Variants in SNX29 observed in about 807,000 individuals in gnomAD.
The protein encoded by SNX29 is sorting nexin-29.
SNX29 carries 78 observed loss-of-function variants against 102.1 expected under a neutral mutation model. The observed-to-expected ratio is 0.76, with a 90% CI of 0.64 to 0.92. The LOEUF (loss-of-function observed/expected upper bound fraction) is 0.92. SNX29 is among the 40% of genes least tolerant of loss of function. The pLI, the probability that SNX29 is intolerant of heterozygous loss-of-function variation, is 0.00. For missense variants in SNX29, 1,280 were observed against 1,061.7 expected, an observed-to-expected ratio of 1.21 and a Z score of -2.86; for synonymous variants, 580 against 414.5, an observed-to-expected ratio of 1.40 and a Z score of -4.85.
At chr16:12,468,720 C>T (rs1049606094) in intron 18 of SNX29, among the ~76,000 whole-genome samples, 5 of 152,226 alleles carry the variant, frequency 3.3e-5, no homozygotes, top group African/African-American at 9.7e-5. Context: ...TGGTATACAA[C>T]AGGCCACCTG....
chr16:12,542,028 TC>T (rs1319182948), intron 20 of SNX29, among the ~76,000 whole-genome samples: 1 of 152,132 alleles, frequency 6.6e-6, no homozygotes, highest in Non-Finnish European at 1.5e-5. Flanking sequence ...CTCTGTTTTT[TC>T]TTTTTTTAAT....
intron 13 of SNX29, among the ~76,000 whole-genome samples, chr16:12,193,150 T>G (rs1262433093): frequency 6.6e-6 from 1 of 152,210 alleles, no homozygotes; most frequent in Middle Eastern, 3.2e-3. Flanking sequence ...ATCATAATGT[T>G]TTTGGAGTTT....
chr16:12,555,886 C>A (rs1034831889), intron 20 of SNX29, among the ~76,000 whole-genome samples: 1 of 151,910 alleles, frequency 6.6e-6, no homozygotes, highest in East Asian at 1.9e-4. Context: ...TGCTTTCTGC[C>A]CTCCTGTTCT....
intron 20 of SNX29, 69 bp downstream of exon 20, chr16:12,524,910 G>A (rs2076737363): frequency 6.3e-7 from 1 of 1,584,680 alleles, no homozygotes; most frequent in South Asian, 1.1e-5. Context: ...GTTTTGGAAG[G>A]TCAGGGAGCA....
At chr16:12,197,343 G>C (rs983710431) in intron 13 of SNX29, among the ~76,000 whole-genome samples, 1 of 152,126 alleles carries the variant, frequency 6.6e-6, no homozygotes, top group East Asian at 1.9e-4. Flanking sequence ...GCTGAGGTGG[G>C]CGGATCACTT....
chr16:12,373,603 C>T (rs2082767614), intron 16 of SNX29: 1 of 152,194 alleles, frequency 6.6e-6, no homozygotes, highest in African/African-American at 2.4e-5. Flanking sequence ...AATACTAATG[C>T]TACTTGGCAT....
intron 11 of SNX29, among the ~76,000 whole-genome samples, chr16:12,119,180 T>G (rs2053869437): frequency 6.6e-6 from 1 of 152,146 alleles, no homozygotes; most frequent in Non-Finnish European, 1.5e-5. Context: ...TGTCCCCGCA[T>G]AGACAGTGGA....
At position 12,279,989 on chromosome 16, in the gene SNX29, C is replaced by T. The variant is rs545981685; in HGVS notation, c.1782+1953C>T. Among the ~76,000 whole-genome samples, 16 of 152,254 alleles carry T rather than the reference C, an allele frequency of 1.1e-4. No individual in the cohort carries two copies. In the East Asian group the frequency reaches 2.1e-3, roughly 20 times the overall value. The stretch of plus-strand genomic sequence containing the variant: ...GGCATTGAGTGCTGGGTCCAGGCAG[C>T]GCTCTCCGTGGAGATTCTCCACCTG... On this transcript the variant is annotated intron_variant, in intron 15 of 20. Coordinates refer to ENST00000566228, the MANE Select transcript of SNX29 (RefSeq NM_032167.5).
chr16:12,492,356 C>T (rs377144579), intron 19 of SNX29, among the ~76,000 whole-genome samples: 1,709 of 152,144 alleles, frequency 0.011, 33 homozygotes, highest in African/African-American at 0.038. Flanking sequence ...TCATATCCTT[C>T]GCCCACTTTT....
intron 15 of SNX29, among the ~76,000 whole-genome samples, chr16:12,308,203 G>T (rs1157698515): frequency 1.3e-5 from 2 of 152,192 alleles, no homozygotes; most frequent in South Asian, 2.1e-4. Context: ...CTGACACCCG[G>T]CAGGCAGGCA....
chr16:12,535,289 C>A (rs566157169), intron 20 of SNX29, among the ~76,000 whole-genome samples: 2 of 152,278 alleles, frequency 1.3e-5, no homozygotes, highest in Admixed American at 1.3e-4. Context: ...CAGGCATGTG[C>A]CACCATGCCC....
chr16:12,215,257 G>A (rs1476987255), intron 14 of SNX29, among the ~76,000 whole-genome samples: 1 of 151,698 alleles, frequency 6.6e-6, no homozygotes, highest in Non-Finnish European at 1.5e-5. Flanking sequence ...CACTTTGAGA[G>A]GCTGAGGTAG....
rs146880207 is a variant in SNX29 at position 12,016,834 on chromosome 16, A to G, written c.123-10486A>G. Reference sequence around the variant, plus strand: ...GGTCAAAGGGTTATGCACCTTAAAAAAAATTATACTGGCCGAACACAGTGG... The same window carrying G: ...GGTCAAAGGGTTATGCACCTTAAAAGAAATTATACTGGCCGAACACAGTGG... On this transcript the variant is annotated intron_variant, in intron 3 of 20. Coordinates refer to ENST00000566228, the MANE Select transcript of SNX29 (RefSeq NM_032167.5). 9.2e-5 allele frequency among the ~76,000 whole-genome samples: 14 copies of G among 152,218 alleles called. No individual in the cohort carries two copies. In the East Asian group the frequency reaches 2.7e-3, roughly 29 times the overall value.
intron 18 of SNX29, among the ~76,000 whole-genome samples, chr16:12,457,442 T>C (rs973047474): frequency 6.6e-6 from 1 of 152,192 alleles, no homozygotes; most frequent in Non-Finnish European, 1.5e-5. Context: ...TGTCTGTGTT[T>C]TGCAGAGATA....
At chr16:12,362,643 T>G (rs78966787) in intron 16 of SNX29, among the ~76,000 whole-genome samples, 4,623 of 136,534 alleles carry the variant, frequency 0.034, 263 homozygotes, top group African/African-American at 0.12. Context: ...CCCAGGGCCT[T>G]TGTTCCTAGT....
chr16:12,311,131 A>G (rs1596857787), intron 15 of SNX29, among the ~76,000 whole-genome samples: 1 of 152,218 alleles, frequency 6.6e-6, no homozygotes, highest in Non-Finnish European at 1.5e-5. Flanking sequence ...GCAGAGCTGC[A>G]TTGCTAAAAA....
chr16:12,257,689 AAT>A (rs1491436348), intron 14 of SNX29, among the ~76,000 whole-genome samples: 30 of 109,760 alleles, frequency 2.7e-4, no homozygotes, highest in East Asian at 2.1e-3. Flanking sequence ...GCTTATTTAA[AAT>A]TTTTTTTTTT....
At chr16:12,537,448 T>C (rs750924965) in intron 20 of SNX29, among the ~76,000 whole-genome samples, 8 of 152,094 alleles carry the variant, frequency 5.3e-5, no homozygotes, top group Non-Finnish European at 8.8e-5. Flanking sequence ...CTTGTGAACT[T>C]CACCTCTGCC....
At chr16:12,401,926 A>G (rs2083961418) in intron 17 of SNX29, among the ~76,000 whole-genome samples, 1 of 152,230 alleles carries the variant, frequency 6.6e-6, no homozygotes, top group Admixed American at 6.5e-5. Flanking sequence ...CATTTAACCC[A>G]GGCTGGGGTA....
Sources: allele counts gnomAD v4.1 joint callset (sites outside exome capture counted in the v4.1 genomes callset), GRCh38; gene constraint gnomAD v4.1.1; transcripts MANE v1.5; gene names NCBI Gene and HGNC (gene_info 2026-07-23, HGNC 2026-07-21).